The following RAPGEF2 variants were observed in gnomAD, a reference collection of about 807,000 sequenced individuals.
RAPGEF2 encodes the protein Rap guanine nucleotide exchange factor 2, also known as PDZ domain containing guanine nucleotide exchange factor (GEF) 1.
RAPGEF2 carries 54 observed loss-of-function variants against 186.7 expected under a neutral mutation model. The ratio of observed to expected loss-of-function variants is 0.29; its 90% CI spans 0.23 to 0.36. The LOEUF is 0.36. Ranked by LOEUF, RAPGEF2 falls within the 10% of genes least tolerant of loss-of-function variation. The probability of loss-of-function intolerance (pLI) is 1.00; values close to 1 mark genes in which losing one functional copy is unlikely to be tolerated. For missense variants in RAPGEF2, 1,532 were observed against 2,045.0 expected, an observed-to-expected ratio of 0.75 and a Z score of 4.84; for synonymous variants, 712 against 705.9, an observed-to-expected ratio of 1.01 and a Z score of -0.14.
chr4:159,349,836 A>G (rs543244489), intron 25 of RAPGEF2, among the ~76,000 whole-genome samples: 1 of 152,300 alleles, frequency 6.6e-6, no homozygotes, highest in South Asian at 2.1e-4. Context: ...GTTGCCTAAC[A>G]TATTGTTGAA....
At position 159,241,379 on chromosome 4, in the gene RAPGEF2, C is replaced by A. The variant is rs1183560588; in HGVS notation, c.525+11C>A. The A allele has an allele frequency of 1.5e-6, 2 of 1,372,194 alleles. No individual in the cohort carries two copies. Among genetic ancestry groups the A allele is most frequent in the Non-Finnish European group, 1.9e-6 (2 of 1,060,236 alleles). The allele number at this position is 1,372,194 out of a possible 1,614,324, so 85.0% of individuals were successfully genotyped here. On this transcript the variant is annotated intron_variant, in intron 6 of 29. Coordinates refer to ENST00000691494, the MANE Select transcript of RAPGEF2 (RefSeq NM_001394067.2). ...AGAGGCTATCACACGGTAAGTTATA[C>A]AAGTATAATATTTTTATTTATTTCT...
intron 9 of RAPGEF2, among the ~76,000 whole-genome samples, chr4:159,315,345 G>C (rs1475070418): frequency 1.3e-5 from 2 of 151,338 alleles, no homozygotes; most frequent in African/African-American, 4.9e-5. Context: ...ACAAGTGCAG[G>C]TCTGTTACAT....
At chr4:159,233,378 C>A (rs1752858418) in intron 4 of RAPGEF2, among the ~76,000 whole-genome samples, 1 of 152,124 alleles carries the variant, frequency 6.6e-6, no homozygotes, top group South Asian at 2.1e-4. Context: ...ATGTGAAATC[C>A]AGTAATCCCA....
chr4:159,178,681 C>A (rs1356509161), intron 1 of RAPGEF2, among the ~76,000 whole-genome samples: 2 of 151,844 alleles, frequency 1.3e-5, no homozygotes, highest in Non-Finnish European at 2.9e-5. Flanking sequence ...CCTCAGCCCC[C>A]CAAGTAGCTG....
intron 7 of RAPGEF2, among the ~76,000 whole-genome samples, chr4:159,259,055 T>C (rs957701107): frequency 3.3e-5 from 5 of 152,226 alleles, no homozygotes; most frequent in African/African-American, 1.2e-4. Context: ...CACAGTTCAG[T>C]ATTTCCCCGT....
chr4:159,240,462 T>G (rs1239081780), intron 5 of RAPGEF2, among the ~76,000 whole-genome samples: 1 of 147,426 alleles, frequency 6.8e-6, no homozygotes, highest in Non-Finnish European at 1.5e-5. Flanking sequence ...GCCTCCCGGG[T>G]AGCTGGGATT....
intron 11 of RAPGEF2, chr4:159,329,352 A>G (rs1561289292): frequency 6.6e-6 from 1 of 152,356 alleles, no homozygotes; most frequent in Admixed American, 6.5e-5. Flanking sequence ...CCTTCTTTGA[A>G]CAAGCTTTCT....
rs1296095478 is a variant in RAPGEF2 at position 159,222,620 on chromosome 4, C to T, written c.281+12037C>T. On this transcript the variant is annotated intron_variant, in intron 4 of 29. Transcript: ENST00000691494. ...CTGCTAAGTGCTAAGGAACTCATAACTCTTGTCTGTGCCCCGGTTGTTTTT... is the reference window on the plus strand; with the variant it reads ...CTGCTAAGTGCTAAGGAACTCATAATTCTTGTCTGTGCCCCGGTTGTTTTT... 2.6e-5 allele frequency among the ~76,000 whole-genome samples: 4 copies of T among 152,298 alleles called. No individual in the cohort carries two copies. In the South Asian group the frequency reaches 8.3e-4, roughly 32 times the overall value.
rs3071283 is a variant in RAPGEF2, at chr4:159,340,667, CCACACACA to C, written c.2535-864_2535-857del. ...AAAACAAAAAATACCACCACCATCACCACACACACACACACACACACACACACACACAC... is the reference window on the plus strand; with the variant it reads ...AAAACAAAAAATACCACCACCATCACCACACACACACACACACACACACAC... On this transcript the variant is annotated intron_variant, in intron 19 of 29. Transcript: ENST00000691494. Among the ~76,000 whole-genome samples, 274 of 76,860 alleles carry C rather than the reference CCACACACA, an allele frequency of 3.6e-3. 7 individuals carry two copies. The highest frequency in any genetic ancestry group is 0.012 in the African/African-American group (218 of 18,422). 50.4% of individuals were successfully genotyped at this position (76,860 alleles called of 152,430 possible).
At position 159,350,533 on chromosome 4, in the gene RAPGEF2, A is replaced by G. The variant is rs542795480; in HGVS notation, c.3865+244A>G. On this transcript the variant is annotated intron_variant, in intron 26 of 29. Transcript: ENST00000691494. The stretch of plus-strand genomic sequence containing the variant: ...ACTATAAGAAGCCTTTTAAAAATAC[A>G]TTTACTTTTAATTCAGATAAATATA... Among the ~76,000 whole-genome samples the G allele has an allele frequency of 8.5e-5, 13 of 152,292 alleles. No homozygotes were observed. The South Asian group carries it at 2.7e-3, about 32-fold the overall frequency.
chr4:159,348,139 T>G (rs1378660152), intron 25 of RAPGEF2, among the ~76,000 whole-genome samples: 1 of 151,910 alleles, frequency 6.6e-6, no homozygotes, highest in Non-Finnish European at 1.5e-5. Flanking sequence ...AAGAATCGCT[T>G]CAACCTGGGG....
intron 11 of RAPGEF2, among the ~76,000 whole-genome samples, chr4:159,325,110 A>G (rs576819632): frequency 5.4e-4 from 82 of 152,152 alleles, no homozygotes; most frequent in Middle Eastern, 3.2e-3. Context: ...GACCATGGCT[A>G]TACATAAAAT....
At chr4:159,267,349 A>C in intron 7 of RAPGEF2, 1 of 1,284,160 alleles carries the variant, frequency 7.8e-7, no homozygotes, top group Non-Finnish European at 1.0e-6. Flanking sequence ...TATTGCATTC[A>C]GACTCATGAT....
Position 159,331,773 on chromosome 4 carries a change from T to C in RAPGEF2, c.1719T>C (p.Phe573=). The C allele has an allele frequency of 6.2e-7, 1 of 1,614,124 alleles. No individual in the cohort carries two copies. The highest frequency in any genetic ancestry group is 2.2e-5 in the East Asian group (1 of 44,882). The part of the protein sequence containing the change: ...LGGSEKGFGI[F]VDSVDSGSKA... ...GCTCTGAGAAGGGATTTGGAATCTT[T>C]GTTGACAGTGTAGATTCAGGTAGCA... is the stretch of plus-strand genomic sequence containing the variant. Residue 573 remains phenylalanine (F), a synonymous_variant, in exon 15 of 30, where the codon TTT becomes TTC. Coordinates refer to ENST00000691494, the MANE Select transcript of RAPGEF2 (RefSeq NM_001394067.2).
At chr4:159,199,337 G>A (rs1380987138) in intron 3 of RAPGEF2, among the ~76,000 whole-genome samples, 2 of 152,082 alleles carry the variant, frequency 1.3e-5, no homozygotes, top group African/African-American at 4.8e-5. Context: ...ATGTTGAGCA[G>A]AAGAGTATTT....
chr4:159,282,359 A>T (rs988305408), intron 7 of RAPGEF2: 1 of 181,920 alleles, frequency 5.5e-6, no homozygotes, highest in African/African-American at 2.4e-5. Context: ...GATATGAAAA[A>T]TTTCTATTAT....
Position 159,187,740 on chromosome 4 carries a change from C to T in RAPGEF2, c.140+1028C>T, listed in dbSNP as rs560776762. ...TTAAGTGGGATATAAAATAAAGGAC[C>T]TTAGGAAGATGGATAATATATAAAC... On this transcript the variant is annotated intron_variant, in intron 2 of 29. Coordinates refer to ENST00000691494, the MANE Select transcript of RAPGEF2 (RefSeq NM_001394067.2). Among the ~76,000 whole-genome samples the T allele has an allele frequency of 2.0e-5, 3 of 152,146 alleles. No individual in the cohort carries two copies. The East Asian group carries it at 5.8e-4, about 29-fold the overall frequency.
intron 7 of RAPGEF2, among the ~76,000 whole-genome samples, chr4:159,277,911 C>T (rs1468885879): frequency 6.6e-6 from 1 of 152,124 alleles, no homozygotes; most frequent in Non-Finnish European, 1.5e-5. Context: ...TTTTGCTGTG[C>T]AGAAGCTCGT....
rs902891167 is a variant in RAPGEF2, at chr4:159,197,548, TTCTC to T, written c.197+4300_197+4303del. 5.9e-5 allele frequency among the ~76,000 whole-genome samples: 9 copies of T among 152,310 alleles called. No individual in the cohort carries two copies. The East Asian group carries it at 7.7e-4, about 13-fold the overall frequency. ...GTTTTCATAGCACTTTGTAAGGGGT[TTCTC>T]TCTCTCTATTCCAGGAGAGGAAATT... On this transcript the variant is annotated intron_variant, in intron 3 of 29. Coordinates refer to ENST00000691494, the MANE Select transcript of RAPGEF2 (RefSeq NM_001394067.2).
Sources: allele counts gnomAD v4.1 joint callset (sites outside exome capture counted in the v4.1 genomes callset), GRCh38; gene constraint gnomAD v4.1.1; transcripts MANE v1.5; gene names NCBI Gene and HGNC (gene_info 2026-07-23, HGNC 2026-07-21).